TNPO1: variants seen among roughly 807,000 people sequenced by gnomAD.
TNPO1 encodes transportin 1, also known as transportin-1.
A neutral mutation model predicts 119.5 loss-of-function variants in TNPO1; 8 were observed. The observed-to-expected ratio is 0.07, with a 90% CI of 0.04 to 0.12. The LOEUF is 0.12. Among genes scored for constraint, TNPO1 ranks in the 10% least tolerant of loss-of-function variants. The probability of loss-of-function intolerance (pLI) is 1.00; values close to 1 mark genes in which losing one functional copy is unlikely to be tolerated. For missense variants in TNPO1, 576 were observed against 1,089.8 expected, an observed-to-expected ratio of 0.53 and a Z score of 6.64; for synonymous variants, 362 against 363.0, an observed-to-expected ratio of 1.00 and a Z score of 0.03.
Position 72,909,884 on chromosome 5 carries a change from C to G in TNPO1, c.*1211C>G, listed in dbSNP as rs959146621. 1 of 152,540 alleles carries G rather than the reference C, an allele frequency of 6.6e-6. No homozygotes were observed. Among genetic ancestry groups the G allele is most frequent in the Non-Finnish European group, 1.5e-5 (1 of 68,022 alleles). 9.4% of individuals were successfully genotyped at this position (152,540 alleles called of 1,614,324 possible). On this transcript the variant is annotated 3_prime_UTR_variant, in exon 25 of 25. Coordinates refer to ENST00000337273, the MANE Select transcript of TNPO1 (RefSeq NM_002270.4). The stretch of plus-strand genomic sequence containing the variant: ...TGCAAAATCTTTGCCTCTGTGCTGT[C>G]AGTGTGATGTGCTTTCTGCATGGTT...
chr5:72,874,596 G>T (rs928607817), intron 7 of TNPO1, among the ~76,000 whole-genome samples: 2 of 152,170 alleles, frequency 1.3e-5, no homozygotes, highest in Non-Finnish European at 2.9e-5. Context: ...CAGGAACTAC[G>T]TAGTTTTGAG....
chr5:72,887,666 CAG>C (rs1355783926), intron 12 of TNPO1, among the ~76,000 whole-genome samples: 3 of 152,068 alleles, frequency 2.0e-5, no homozygotes, highest in African/African-American at 7.2e-5. Flanking sequence ...GCCTGGGTGA[CAG>C]AGCAAGACTC....
At chr5:72,885,315 T>C (rs1748537715) in intron 11 of TNPO1, among the ~76,000 whole-genome samples, 1 of 152,222 alleles carries the variant, frequency 6.6e-6, no homozygotes, top group Admixed American at 6.5e-5. Context: ...TTTACTACTA[T>C]TACAAATTAC....
At chr5:72,856,294 C>T (rs1460474590) in intron 4 of TNPO1, among the ~76,000 whole-genome samples, 1 of 152,032 alleles carries the variant, frequency 6.6e-6, no homozygotes. Flanking sequence ...TACAGTGGCA[C>T]AATCTTGACT....
At chr5:72,833,215 T>C (rs1744554986) in intron 1 of TNPO1, among the ~76,000 whole-genome samples, 1 of 152,166 alleles carries the variant, frequency 6.6e-6, no homozygotes, top group Admixed American at 6.6e-5. Flanking sequence ...AAAATTCAAA[T>C]ATATACCACA....
chr5:72,901,143 A>T, intron 22 of TNPO1, 70 bp downstream of exon 22: 1 of 929,316 alleles, frequency 1.1e-6, no homozygotes, highest in Non-Finnish European at 1.6e-6. Context: ...ACATTCTAAT[A>T]CTTTAATTAT....
At chr5:72,898,822 G>T (rs1243307133) in intron 20 of TNPO1, among the ~76,000 whole-genome samples, 1 of 152,076 alleles carries the variant, frequency 6.6e-6, no homozygotes, top group Admixed American at 6.5e-5. Context: ...ATATGAATCT[G>T]CTGGATTTTA....
rs112010094 is a variant in TNPO1, at chr5:72,872,164, A to T, written c.597-475A>T. Among the ~76,000 whole-genome samples the T allele has an allele frequency of 8.3e-3, 1,261 of 152,296 alleles. 14 individuals are homozygous for T. Among genetic ancestry groups the T allele is most frequent in the African/African-American group, 0.029 (1,195 of 41,560 alleles). On this transcript the variant is annotated intron_variant, in intron 6 of 24. Coordinates refer to ENST00000337273, the MANE Select transcript of TNPO1 (RefSeq NM_002270.4). ...GAGATCAGAGATCATGGCTTGGTTG[A>T]GAGAAATGAAAGCAGTGAGAAATGA... is the stretch of plus-strand genomic sequence containing the variant.
chr5:72,825,557 C>A (rs553828957), intron 1 of TNPO1, among the ~76,000 whole-genome samples: 2 of 152,038 alleles, frequency 1.3e-5, no homozygotes, highest in African/African-American at 4.8e-5. Flanking sequence ...CGTGGTGGCA[C>A]GTGCCTGTAG....
intron 4 of TNPO1, among the ~76,000 whole-genome samples, chr5:72,861,296 C>T (rs1196226520): frequency 6.6e-6 from 1 of 152,030 alleles, no homozygotes; most frequent in African/African-American, 2.4e-5. Flanking sequence ...AAATTTAACT[C>T]AAAAAACCTT....
In TNPO1 at chr5:72,914,046, T is replaced by TA. The variant is rs1417110672; in HGVS notation, c.*5374dup. ...TGCTGACAACTTAGGTTGTATGAGT[T>TA]ATGCTTAAAAGCTTTAAATCTGATG... On this transcript the variant is annotated 3_prime_UTR_variant, in exon 25 of 25. Transcript: ENST00000337273. 6.6e-6 allele frequency: 1 copy of TA among 152,600 alleles called. No individual in the cohort carries two copies. Among genetic ancestry groups the TA allele is most frequent in the African/African-American group, 2.4e-5 (1 of 41,466 alleles). 9.5% of individuals were successfully genotyped at this position (152,600 alleles called of 1,614,324 possible).
At chr5:72,827,775 C>A (rs1373480332) in intron 1 of TNPO1, among the ~76,000 whole-genome samples, 11 of 151,802 alleles carry the variant, frequency 7.2e-5, no homozygotes, top group African/African-American at 2.7e-4. Context: ...TTTAAATTAG[C>A]TGGGCATGGT....
chr5:72,856,232 CTGTT>C (rs962125817), intron 4 of TNPO1, among the ~76,000 whole-genome samples: 2 of 151,836 alleles, frequency 1.3e-5, no homozygotes, highest in Admixed American at 6.6e-5. Context: ...GATTAGAGTT[CTGTT>C]TGTTTTTTTG....
Position 72,875,777 on chromosome 5 carries a change from C to T in TNPO1, c.801+40C>T. 3 of 1,573,040 alleles carry T rather than the reference C, an allele frequency of 1.9e-6. No homozygotes were observed. The East Asian group carries it at 6.8e-5, about 36-fold the overall frequency. On this transcript the variant is annotated intron_variant, in intron 8 of 24. Coordinates refer to ENST00000337273, the MANE Select transcript of TNPO1 (RefSeq NM_002270.4). Reference sequence around the variant, plus strand: ...TTAAAGGCTCTTTCATCATCTTTCCCCTAAGAGAAATACTAGATAGAAAAT... The same window carrying T: ...TTAAAGGCTCTTTCATCATCTTTCCTCTAAGAGAAATACTAGATAGAAAAT...
chr5:72,821,166 G>A (rs1181031095), intron 1 of TNPO1, among the ~76,000 whole-genome samples: 3 of 146,244 alleles, frequency 2.1e-5, no homozygotes, highest in East Asian at 2.0e-4. Context: ...CAAGGTGTAG[G>A]AAGTTAAATT....
At chr5:72,817,617 A>C (rs901172183) in intron 1 of TNPO1, among the ~76,000 whole-genome samples, 2 of 152,220 alleles carry the variant, frequency 1.3e-5, no homozygotes, top group Non-Finnish European at 2.9e-5. Flanking sequence ...CTATCTACAA[A>C]TTGATTTTGA....
At chr5:72,852,159 T>G (rs1259459543) in intron 3 of TNPO1, among the ~76,000 whole-genome samples, 1 of 152,222 alleles carries the variant, frequency 6.6e-6, no homozygotes, top group Non-Finnish European at 1.5e-5. Context: ...TTTAAAAAAC[T>G]TCTAAAAGTC....
intron 6 of TNPO1, 102 bp downstream of exon 6, chr5:72,865,831 G>A: frequency 1.6e-6 from 2 of 1,221,074 alleles, no homozygotes; most frequent in Non-Finnish European, 2.3e-6. Flanking sequence ...AAGATCAAAA[G>A]ATATTGGATG....
Position 72,866,091 on chromosome 5 carries a change from C to G in TNPO1, c.596+362C>G, listed in dbSNP as rs1417022473. On this transcript the variant is annotated intron_variant, in intron 6 of 24. Transcript: ENST00000337273. ...TGATTTTAGAATCGGGATACATGTGCAGGTTTGTTACAAAGGCGTATTGCG... is the reference window on the plus strand; with the variant it reads ...TGATTTTAGAATCGGGATACATGTGGAGGTTTGTTACAAAGGCGTATTGCG... Among the ~76,000 whole-genome samples the G allele has an allele frequency of 2.0e-5, 3 of 152,160 alleles. No homozygotes were observed. In the South Asian group the frequency reaches 6.2e-4, roughly 32 times the overall value.
Sources: gnomAD v4.1 joint callset for allele counts (sites outside exome capture counted in the v4.1 genomes callset) on GRCh38, gnomAD v4.1.1 for gene constraint, MANE v1.5 for transcripts, NCBI Gene and HGNC (gene_info 2026-07-23, HGNC 2026-07-21) for gene names.